The following COL14A1 variants were observed in gnomAD, a reference collection of about 807,000 sequenced individuals.
COL14A1 encodes collagen type XIV alpha 1 chain, also known as collagen alpha-1(XIV) chain.
In COL14A1, 136 loss-of-function variants were observed where a neutral mutation model predicts 230.3. That is an observed-to-expected ratio of 0.59 (90% CI 0.51 to 0.68). COL14A1 has a LOEUF of 0.68. COL14A1 is among the 30% of genes least tolerant of loss of function. COL14A1 has a pLI of 0.00. For missense variants in COL14A1, 1,976 were observed against 2,215.8 expected (o/e 0.89, Z 2.17); for synonymous variants, 792 against 784.1 (o/e 1.01, Z -0.17).
chr8:120,310,052 C>T lies in COL14A1; in HGVS notation c.4445C>T (p.Pro1482Leu), dbSNP rs375177852. Residue 1482 changes from proline (P) to leucine (L), a missense_variant, in exon 37 of 48, where the codon CCG becomes CTG. Pro to Leu is a moderately conservative substitution (Grantham distance 98). Coordinates refer to ENST00000297848, the MANE Select transcript of COL14A1 (RefSeq NM_021110.4). ...LRGPKGQQGE[P>L]GPKGPDGPRG... ...GGACCAAAGGGCCAGCAAGGTGAAC[C>T]GGGTCCAAAGGTAATGCGCATGTTT... 5.1e-5 allele frequency: 82 copies of T among 1,613,086 alleles called. No homozygotes were observed. Among genetic ancestry groups the T allele is most frequent in the South Asian group, 3.7e-4 (34 of 90,958 alleles).
chr8:120,368,813 C>T (rs958376408), intron 46 of COL14A1, among the ~76,000 whole-genome samples: 8 of 152,112 alleles, frequency 5.3e-5, no homozygotes, highest in African/African-American at 1.7e-4. Flanking sequence ...TATCTAGGGC[C>T]ATAAACCAGT....
rs763770560 is a variant in COL14A1 at position 120,341,326 on chromosome 8, G to T, written c.4787G>T (p.Gly1596Val). 1 of 1,614,140 alleles carries T rather than the reference G, an allele frequency of 6.2e-7. No individual in the cohort carries two copies. The highest frequency in any genetic ancestry group is 8.5e-7 in the Non-Finnish European group (1 of 1,179,992). The stretch of plus-strand genomic sequence containing the variant: ...CTTGACAATTTTCCATTTATACAGG[G>T]TGTCCCTGGAGCAAAGGGGGAACGA... The part of the protein sequence containing the change: ...MGPQGALGPP[G>V]VPGAKGERGE... The change falls in exon 43 of 48, where the codon GGT (glycine) becomes GTT (valine). Residue 1596 changes from glycine (G) to valine (V), a missense_variant and splice_region_variant. By Grantham distance (109) the Gly-to-Val change is moderately radical (BLOSUM62 -3). Coordinates refer to ENST00000297848, the MANE Select transcript of COL14A1 (RefSeq NM_021110.4).
At chr8:120,149,739 G>A (rs1445554185) in intron 2 of COL14A1, among the ~76,000 whole-genome samples, 1 of 148,000 alleles carries the variant, frequency 6.8e-6, no homozygotes, top group Non-Finnish European at 1.5e-5. Context: ...CCAGGCTGGA[G>A]TGCAATGGCA....
chr8:120,224,619 G>T (rs961152957), intron 14 of COL14A1, among the ~76,000 whole-genome samples: 1 of 152,166 alleles, frequency 6.6e-6, no homozygotes, highest in African/African-American at 2.4e-5. Flanking sequence ...ATGTCTTTCT[G>T]TGGAAGATAG....
chr8:120,218,023 TA>T (rs1442516646), intron 14 of COL14A1, among the ~76,000 whole-genome samples: 2 of 142,338 alleles, frequency 1.4e-5, no homozygotes, highest in Non-Finnish European at 3.0e-5. Context: ...TTATATATTA[TA>T]AATATAAATA....
Position 120,127,936 on chromosome 8 carries a change from G to A in COL14A1, c.-38+2596G>A, listed in dbSNP as rs555969720. 2.0e-5 allele frequency among the ~76,000 whole-genome samples: 3 copies of A among 152,324 alleles called. No homozygotes were observed. In the South Asian group the frequency reaches 6.2e-4, roughly 32 times the overall value. On this transcript the variant is annotated intron_variant, in intron 1 of 47. Coordinates refer to ENST00000297848, the MANE Select transcript of COL14A1 (RefSeq NM_021110.4). The stretch of plus-strand genomic sequence containing the variant: ...TAACAAATTATCTGGGATTATGATA[G>A]TCCATTGAGAACAAAGTTGTTGGTA...
chr8:120,324,546 C>G (rs1016821198), intron 40 of COL14A1, among the ~76,000 whole-genome samples: 18 of 152,256 alleles, frequency 1.2e-4, no homozygotes, highest in African/African-American at 3.9e-4. Context: ...TTACAGAAGT[C>G]CAGAGCCATG....
At chr8:120,187,900 T>C (rs998905878) in intron 5 of COL14A1, among the ~76,000 whole-genome samples, 13 of 152,182 alleles carry the variant, frequency 8.5e-5, no homozygotes, top group Admixed American at 3.9e-4. Context: ...ACATAGGTTG[T>C]GGAGACACAT....
At chr8:120,275,107 T>G (rs141898985) in intron 26 of COL14A1, among the ~76,000 whole-genome samples, 1 of 151,778 alleles carries the variant, frequency 6.6e-6, no homozygotes, top group East Asian at 1.9e-4. Context: ...TACAAGACCA[T>G]AGTTACTAAA....
chr8:120,222,299 T>G (rs1374264595), intron 14 of COL14A1, among the ~76,000 whole-genome samples: 2 of 152,210 alleles, frequency 1.3e-5, no homozygotes, highest in African/African-American at 2.4e-5. Flanking sequence ...AATCCCTGAT[T>G]TAGAAGAAGA....
rs778529216 is a variant in COL14A1 at position 120,262,911 on chromosome 8, G to A, written c.2913G>A (p.Arg971=). 3 of 1,613,466 alleles carry A rather than the reference G, an allele frequency of 1.9e-6. No individual in the cohort carries two copies. The Admixed American group carries it at 5.0e-5, about 27-fold the overall frequency. ...CCACTGTGGGTGGAGGGACAACCAG[G>A]CATTGCTTCTATGGACTTCAGCCTG... The part of the protein sequence containing the change: ...QESTVGGGTT[R]HCFYGLQPDS... The change falls in exon 24 of 48, where the codon AGG becomes AGA. Residue 971 remains arginine, a synonymous_variant. Transcript: ENST00000297848.
intron 5 of COL14A1, among the ~76,000 whole-genome samples, chr8:120,193,505 C>G (rs1166296364): frequency 1.3e-5 from 2 of 152,184 alleles, no homozygotes; most frequent in Non-Finnish European, 2.9e-5. Flanking sequence ...CGGTCAGGGA[C>G]CCACTTGAGG....
intron 1 of COL14A1, among the ~76,000 whole-genome samples, chr8:120,126,249 G>A (rs1814332283): frequency 6.6e-6 from 1 of 152,218 alleles, no homozygotes; most frequent in African/African-American, 2.4e-5. Context: ...GGCAGAGCCT[G>A]GAGGCCGCCG....
intron 2 of COL14A1, among the ~76,000 whole-genome samples, chr8:120,152,462 T>A (rs1446494111): frequency 1.2e-4 from 12 of 99,024 alleles, no homozygotes; most frequent in Admixed American, 1.6e-4. Context: ...ACAGCGAGAT[T>A]CCATCTCAAA....
intron 2 of COL14A1, among the ~76,000 whole-genome samples, chr8:120,156,707 A>G (rs951097801): frequency 1.3e-5 from 2 of 152,202 alleles, no homozygotes; most frequent in African/African-American, 4.8e-5. Flanking sequence ...ATTATAATGC[A>G]TTATATTCAT....
chr8:120,168,092 T>C (rs1815970852), intron 4 of COL14A1, 69 bp from the exon 5 acceptor site: 4 of 1,132,004 alleles, frequency 3.5e-6, no homozygotes, highest in Non-Finnish European at 5.1e-6. Context: ...AGGGTTTTAG[T>C]AAAACTCACT....
chr8:120,306,022 G>A (rs781218900), intron 36 of COL14A1, among the ~76,000 whole-genome samples: 1 of 152,080 alleles, frequency 6.6e-6, no homozygotes, highest in Non-Finnish European at 1.5e-5. Context: ...CAAATTAGAT[G>A]TCTTGATTAT....
At chr8:120,158,316 G>A in intron 3 of COL14A1, 70 bp downstream of exon 3, 1 of 867,334 alleles carries the variant, frequency 1.2e-6, no homozygotes, top group East Asian at 2.5e-5. Flanking sequence ...AAAACATGTA[G>A]TGCCAAGCAT....
At chr8:120,126,502 T>C (rs1586699606) in intron 1 of COL14A1, among the ~76,000 whole-genome samples, 1 of 150,242 alleles carries the variant, frequency 6.7e-6, no homozygotes, top group Non-Finnish European at 1.5e-5. Context: ...CTGAAGGGGG[T>C]GGGAGTGGGG....
Sources: gnomAD v4.1 joint callset for allele counts (sites outside exome capture counted in the v4.1 genomes callset) on GRCh38, gnomAD v4.1.1 for gene constraint, MANE v1.5 for transcripts, NCBI Gene and HGNC (gene_info 2026-07-23, HGNC 2026-07-21) for gene names.